Variants in MARCHF3 observed in about 807,000 individuals in gnomAD.
MARCHF3 encodes the protein membrane associated ring-CH-type finger 3, also known as E3 ubiquitin-protein ligase MARCHF3.
In MARCHF3, 13 loss-of-function variants were observed where a neutral mutation model predicts 24.2. The ratio of observed to expected loss-of-function variants is 0.54; its 90% CI spans 0.35 to 0.85. The LOEUF (loss-of-function observed/expected upper bound fraction) is 0.85, where lower values mean the gene tolerates loss of function less well. MARCHF3 is among the 40% of genes least tolerant of loss of function. MARCHF3 has a pLI of 0.01. For missense variants in MARCHF3, 276 were observed against 325.0 expected, an observed-to-expected ratio of 0.85 and a Z score of 1.16; for synonymous variants, 144 against 137.3, an observed-to-expected ratio of 1.05 and a Z score of -0.34.
At chr5:126,988,255 A>G (rs1358494233) in intron 1 of MARCHF3, among the ~76,000 whole-genome samples, 1 of 152,128 alleles carries the variant, frequency 6.6e-6, no homozygotes, top group East Asian at 1.9e-4. Flanking sequence ...CCCACCCAAC[A>G]TCAAGGTTCC....
intron 4 of MARCHF3, among the ~76,000 whole-genome samples, chr5:126,871,735 T>C (rs1340767448): frequency 6.6e-6 from 1 of 150,822 alleles, no homozygotes; most frequent in Non-Finnish European, 1.5e-5. Flanking sequence ...TTGGATGGAG[T>C]CTTGCTCTGT....
At chr5:127,011,141 G>T (rs748794668) in intron 1 of MARCHF3, among the ~76,000 whole-genome samples, 13 of 152,126 alleles carry the variant, frequency 8.5e-5, no homozygotes, top group Non-Finnish European at 1.5e-4. Context: ...AATAATCCTA[G>T]TTCAAAATAG....
At chr5:126,903,417 G>T (rs1754172115) in intron 3 of MARCHF3, among the ~76,000 whole-genome samples, 1 of 152,060 alleles carries the variant, frequency 6.6e-6, no homozygotes, top group African/African-American at 2.4e-5. Context: ...TGCGTTCATG[G>T]GTTAGAATGA....
chr5:127,000,710 A>T (rs1580722243), intron 1 of MARCHF3, among the ~76,000 whole-genome samples: 1 of 151,784 alleles, frequency 6.6e-6, no homozygotes, highest in South Asian at 2.1e-4. Flanking sequence ...TTATTTATTT[A>T]TTTTTTGAGA....
At chr5:126,890,896 TC>T (rs1753665368) in intron 3 of MARCHF3, among the ~76,000 whole-genome samples, 1 of 148,410 alleles carries the variant, frequency 6.7e-6, no homozygotes. Context: ...TAGTTTACAG[TC>T]CCACCAACAG....
intron 1 of MARCHF3, among the ~76,000 whole-genome samples, chr5:127,027,536 T>TG (rs907068712): frequency 1.3e-4 from 20 of 151,512 alleles, no homozygotes; most frequent in African/African-American, 4.8e-4. Context: ...GAACTCAGAG[T>TG]GGGGGGTGAA....
chr5:126,887,700 T>C (rs2126773189), intron 3 of MARCHF3, among the ~76,000 whole-genome samples: 1 of 152,334 alleles, frequency 6.6e-6, no homozygotes, highest in African/African-American at 2.4e-5. Flanking sequence ...TGTTTCTTCC[T>C]GCCTCAGAAA....
Position 126,999,400 on chromosome 5 carries a change from T to C in MARCHF3, c.-57+30950A>G, listed in dbSNP as rs61137046. On this transcript the variant is annotated intron_variant, in intron 1 of 4. Transcript: ENST00000308660. ...GCCTGTCCCTTGGGGACATGGATTC[T>C]GTTCACAGGGCAAAGACCTGGATGG... Among the ~76,000 whole-genome samples the C allele has an allele frequency of 8.3e-3, 1,264 of 152,340 alleles. 18 individuals carry two copies. The highest frequency in any genetic ancestry group is 0.025 in the East Asian group (132 of 5,178).
chr5:126,911,974 G>A (rs1356497002), intron 3 of MARCHF3, among the ~76,000 whole-genome samples: 1 of 152,188 alleles, frequency 6.6e-6, no homozygotes, highest in African/African-American at 2.4e-5. Context: ...CTTCCACAGG[G>A]AAGCTCAGAG....
At chr5:127,005,528 G>T (rs866818435) in intron 1 of MARCHF3, among the ~76,000 whole-genome samples, 1 of 152,092 alleles carries the variant, frequency 6.6e-6, no homozygotes, top group African/African-American at 2.4e-5. Context: ...CATCCAGGGG[G>T]TTTTATCAGA....
At chr5:126,971,441 T>G (rs1007104030) in intron 1 of MARCHF3, among the ~76,000 whole-genome samples, 2 of 118,734 alleles carry the variant, frequency 1.7e-5, no homozygotes, top group African/African-American at 6.9e-5. Context: ...AGAGCGAGAC[T>G]CTGTCTCAAA....
At chr5:126,940,743 G>A (rs1021697717) in intron 1 of MARCHF3, among the ~76,000 whole-genome samples, 10 of 150,942 alleles carry the variant, frequency 6.6e-5, no homozygotes, top group Admixed American at 2.0e-4. Flanking sequence ...CACTGTGCCC[G>A]GCCTAACTTT....
chr5:126,897,552 G>A (rs866890224), intron 3 of MARCHF3, among the ~76,000 whole-genome samples: 2 of 152,054 alleles, frequency 1.3e-5, no homozygotes, highest in African/African-American at 2.4e-5. Context: ...AGGAAGGAGA[G>A]GGCTCTTATT....
At chr5:126,943,078 G>T (rs1687656602) in intron 1 of MARCHF3, among the ~76,000 whole-genome samples, 1 of 152,182 alleles carries the variant, frequency 6.6e-6, no homozygotes. Flanking sequence ...TTGAGGTCAG[G>T]AGTTCAAGAC....
chr5:127,012,622 A>T (rs192788897), intron 1 of MARCHF3, among the ~76,000 whole-genome samples: 1 of 152,296 alleles, frequency 6.6e-6, no homozygotes, highest in East Asian at 1.9e-4. Flanking sequence ...GAGACACAGG[A>T]TATGTTAGGT....
At chr5:126,870,897 A>G in intron 4 of MARCHF3, 106 bp from the exon 5 acceptor site, 3 of 1,455,632 alleles carry the variant, frequency 2.1e-6, no homozygotes, top group Non-Finnish European at 2.8e-6. Flanking sequence ...AAAGAGCTGG[A>G]AGCACTATGG....
In MARCHF3 at chr5:126,915,097, C is replaced by G. The variant is rs143903354; in HGVS notation, c.226G>C (p.Glu76Gln). The G allele has an allele frequency of 6.2e-7, 1 of 1,614,090 alleles. No individual in the cohort carries two copies. Among genetic ancestry groups the G allele is most frequent in the Non-Finnish European group, 8.5e-7 (1 of 1,180,036 alleles). Residue 76 changes from glutamate to glutamine, a missense_variant, in exon 3 of 5, where the codon GAG (glutamate) becomes CAG (glutamine). Physicochemically the swap from Glu to Gln is conservative, Grantham distance 29. Transcript: ENST00000308660. ...NDRPMCRICHEGSSQEDLLSP... is the reference protein window; with the variant it reads ...NDRPMCRICHQGSSQEDLLSP... ...AGCAAGTCCTCTTGGCTGCTGCCCT[C>G]GTGGCAGATCCTGCACATCGGCCGG...
At chr5:127,020,783 T>G (rs1158578633) in intron 1 of MARCHF3, among the ~76,000 whole-genome samples, 1 of 151,756 alleles carries the variant, frequency 6.6e-6, no homozygotes, top group Non-Finnish European at 1.5e-5. Context: ...CTCGGGAGGT[T>G]AAGACTGCAG....
chr5:126,980,375 C>CTT (rs113887843), intron 1 of MARCHF3, among the ~76,000 whole-genome samples: 4 of 142,868 alleles, frequency 2.8e-5, no homozygotes, highest in African/African-American at 2.6e-5. Flanking sequence ...TGATTCATTC[C>CTT]TTTTTTTTTT....
Sources: gnomAD v4.1 joint callset for allele counts (sites outside exome capture counted in the v4.1 genomes callset) on GRCh38, gnomAD v4.1.1 for gene constraint, MANE v1.5 for transcripts, NCBI Gene and HGNC (gene_info 2026-07-23, HGNC 2026-07-21) for gene names.